The following GSE1 variants were observed in gnomAD, a reference collection of about 807,000 sequenced individuals.
The protein encoded by GSE1 is Gse1 coiled-coil protein.
GSE1 carries 32 observed loss-of-function variants against 112.6 expected under a neutral mutation model. The observed-to-expected ratio is 0.28, with a 90% confidence interval of 0.21 to 0.38. The LOEUF (loss-of-function observed/expected upper bound fraction) is 0.38. Among genes scored for constraint, GSE1 ranks in the 10% least tolerant of loss-of-function variants. GSE1 has a pLI of 1.00. For missense variants in GSE1, 2,348 were observed against 1,699.2 expected (o/e 1.38, Z -6.71); for synonymous variants, 1,115 against 735.6 (o/e 1.52, Z -8.35).
chr16:85,444,288 G>C (rs900494321), intron 2 of GSE1, among the ~76,000 whole-genome samples: 1 of 152,130 alleles, frequency 6.6e-6, no homozygotes, highest in Admixed American at 6.5e-5. Context: ...CCGGTCAGGG[G>C]GGTGCTTTCT....
intron 1 of GSE1, among the ~76,000 whole-genome samples, chr16:85,602,370 C>G (rs900764452): frequency 1.6e-4 from 25 of 152,166 alleles, no homozygotes; most frequent in African/African-American, 6.0e-4. Context: ...GGTAGAAAAT[C>G]AGGGAACAGG....
chr16:85,657,954 C>T (rs996931450), intron 8 of GSE1, among the ~76,000 whole-genome samples: 1 of 152,224 alleles, frequency 6.6e-6, no homozygotes, highest in Non-Finnish European at 1.5e-5. Context: ...AATACCTGTT[C>T]TCTCCATCTT....
chr16:85,359,109 T>A (rs1244502389), intron 2 of GSE1, among the ~76,000 whole-genome samples: 1 of 152,162 alleles, frequency 6.6e-6, no homozygotes, highest in Non-Finnish European at 1.5e-5. Context: ...TTGTTTGCGA[T>A]TTCTCACGCT....
chr16:85,641,340 C>T (rs1449466526), intron 2 of GSE1, among the ~76,000 whole-genome samples: 1 of 152,264 alleles, frequency 6.6e-6, no homozygotes, highest in Non-Finnish European at 1.5e-5. Flanking sequence ...CAGCTAGAAA[C>T]CCGCACCTCC....
At chr16:85,177,226 T>C (rs1316324611) in intron 1 of GSE1, among the ~76,000 whole-genome samples, 1 of 152,210 alleles carries the variant, frequency 6.6e-6, no homozygotes, top group Non-Finnish European at 1.5e-5. Context: ...AGCTTCCTGG[T>C]TCCTCCTCTG....
At chr16:85,613,295 C>A (rs2048118861), upstream of GSE1, 11 of 1,540,466 alleles carry the variant, frequency 7.1e-6, no homozygotes, top group African/African-American at 1.4e-5. Flanking sequence ...GAGCTGCCGC[C>A]GCCGAGCAGC....
chr16:85,657,084 C>T (rs765704432), intron 7 of GSE1, among the ~76,000 whole-genome samples, 193 bp from the exon 8 acceptor site: 9 of 152,202 alleles, frequency 5.9e-5, no homozygotes, highest in South Asian at 2.1e-4. Context: ...AGCCACGGAG[C>T]GTTTCCTTCC....
chr16:85,213,481 C>G (rs142387608), intron 1 of GSE1, among the ~76,000 whole-genome samples: 172 of 152,264 alleles, frequency 1.1e-3, no homozygotes, highest in African/African-American at 4.0e-3. Context: ...CCCTCACCCC[C>G]TACTATTATA....
At chr16:85,309,211 A>G (rs1233796546) in intron 1 of GSE1, among the ~76,000 whole-genome samples, 2 of 152,090 alleles carry the variant, frequency 1.3e-5, no homozygotes, top group Admixed American at 6.5e-5. Flanking sequence ...TTTAAAAAGT[A>G]AAAAGAGGCC....
intron 1 of GSE1, among the ~76,000 whole-genome samples, chr16:85,337,601 G>C (rs9888855): frequency 0.072 from 10,890 of 152,214 alleles, 412 homozygotes; most frequent in Admixed American, 0.094. Context: ...CACCGCGCCC[G>C]GCCAGGCTCA....
chr16:85,258,522 C>T (rs1907321775), intron 1 of GSE1, among the ~76,000 whole-genome samples: 1 of 152,248 alleles, frequency 6.6e-6, no homozygotes, highest in African/African-American at 2.4e-5. Flanking sequence ...GCCCCGTGGC[C>T]ACTGCTCCTG....
chr16:85,587,202 G>C (rs1223666443), intron 1 of GSE1, among the ~76,000 whole-genome samples: 1 of 151,962 alleles, frequency 6.6e-6, no homozygotes, highest in Non-Finnish European at 1.5e-5. Flanking sequence ...CCATGGTCTG[G>C]AGGGCCCGGC....
At chr16:85,612,965 C>T (rs964551685), upstream of GSE1, among the ~76,000 whole-genome samples, 2 of 152,232 alleles carry the variant, frequency 1.3e-5, no homozygotes, top group African/African-American at 4.8e-5. Flanking sequence ...CCGGGACCCC[C>T]GAGCAGTCCA....
intron 2 of GSE1, among the ~76,000 whole-genome samples, chr16:85,637,404 G>GC (rs2050090453): frequency 6.6e-6 from 1 of 152,230 alleles, no homozygotes; most frequent in Non-Finnish European, 1.5e-5. Flanking sequence ...CTGCCTTTCT[G>GC]CTCCGTCCTG....
chr16:85,248,267 C>T (rs1278105279), intron 1 of GSE1, among the ~76,000 whole-genome samples: 2 of 152,162 alleles, frequency 1.3e-5, no homozygotes, highest in Non-Finnish European at 2.9e-5. Context: ...TACCTTTCCC[C>T]TTCTCTGACC....
At chr16:85,604,191 C>T (rs1182711005) in intron 1 of GSE1, among the ~76,000 whole-genome samples, 1 of 152,216 alleles carries the variant, frequency 6.6e-6, no homozygotes, top group African/African-American at 2.4e-5. Flanking sequence ...CTCCCCTAGC[C>T]CTAAGCAACT....
chr16:85,519,216 C>A (rs561674033), intron 2 of GSE1, among the ~76,000 whole-genome samples: 3 of 151,052 alleles, frequency 2.0e-5, no homozygotes, highest in East Asian at 2.0e-4. Context: ...TCACCTTCAC[C>A]ACCATCTGTA....
At chr16:85,567,506 C>T (rs774493559) in intron 1 of GSE1, among the ~76,000 whole-genome samples, 8 of 152,056 alleles carry the variant, frequency 5.3e-5, no homozygotes, top group Non-Finnish European at 8.8e-5. Flanking sequence ...GGGCTCTCAA[C>T]GCTGGGACGC....
At chr16:85,556,315 C>G (rs1024711893) in exon 1 of GSE1, 2 of 984,544 alleles carry the variant, frequency 2.0e-6, no homozygotes, top group African/African-American at 3.5e-5. Context: ...CTATGGAATT[C>G]TAATTTGAAC....
Sources: allele counts gnomAD v4.1 joint callset (sites outside exome capture counted in the v4.1 genomes callset), GRCh38; gene constraint gnomAD v4.1.1; transcripts MANE v1.5; gene names NCBI Gene and HGNC (gene_info 2026-07-23, HGNC 2026-07-21).